Variants in C13orf46 observed in about 807,000 individuals in gnomAD.
C13orf46 encodes chromosome 13 open reading frame 46.
the C13orf46 span, among the ~76,000 whole-genome samples, chr13:113,936,839 A>G: frequency 3.0e-4 from 46 of 151,354 alleles, no homozygotes; most frequent in Non-Finnish European, 4.3e-4. Context: ...CTTGCAAAAA[A>G]CCTGAAAAGA....
chr13:113,950,404 C>A (rs914338072), downstream of C13orf46, among the ~76,000 whole-genome samples: 4 of 146,086 alleles, frequency 2.7e-5, no homozygotes, highest in Admixed American at 6.7e-5. Context: ...GTCATCACCC[C>A]CACCTTGGGG....
chr13:113,962,810 A>C, intron 6 of C13orf46, among the ~76,000 whole-genome samples: 1 of 152,322 alleles, frequency 6.6e-6, no homozygotes, highest in East Asian at 1.9e-4. Flanking sequence ...CAAATCCATC[A>C]TCAGGAAACG....
At chr13:113,964,629 C>A (rs1347365936) in intron 6 of C13orf46, among the ~76,000 whole-genome samples, 5 of 152,226 alleles carry the variant, frequency 3.3e-5, no homozygotes, top group Admixed American at 6.5e-5. Flanking sequence ...CCTCCTCTTC[C>A]CCCTTCTCAT....
the C13orf46 span, among the ~76,000 whole-genome samples, chr13:113,940,257 G>C: frequency 7.9e-5 from 12 of 152,378 alleles, no homozygotes; most frequent in East Asian, 1.9e-3. Flanking sequence ...GCCAGAGCCA[G>C]GTGGGCTCCC....
intron 2 of C13orf46, among the ~76,000 whole-genome samples, chr13:113,969,196 A>C (rs2052678958): frequency 6.6e-6 from 1 of 152,196 alleles, no homozygotes; most frequent in Non-Finnish European, 1.5e-5. Context: ...CAACCTCGTG[A>C]CCCCTTCTGT....
chr13:113,964,081 C>A (rs1325824582), intron 6 of C13orf46, among the ~76,000 whole-genome samples: 3 of 152,152 alleles, frequency 2.0e-5, no homozygotes, highest in East Asian at 3.8e-4. Context: ...GATCTCCTGA[C>A]CTCATGATCT....
chr13:113,931,405 C>T, the C13orf46 span, among the ~76,000 whole-genome samples: 1 of 152,190 alleles, frequency 6.6e-6, no homozygotes, highest in African/African-American at 2.4e-5. Context: ...TCCAAATAGT[C>T]CAGGCGAGAG....
At chr13:113,964,583 C>T (rs2052618721) in intron 6 of C13orf46, among the ~76,000 whole-genome samples, 1 of 152,232 alleles carries the variant, frequency 6.6e-6, no homozygotes, top group South Asian at 2.1e-4. Flanking sequence ...GTACCATGCA[C>T]TTATCACCTC....
At chr13:113,963,832 G>C (rs2052612415) in intron 6 of C13orf46, among the ~76,000 whole-genome samples, 3 of 152,196 alleles carry the variant, frequency 2.0e-5, no homozygotes, top group African/African-American at 7.2e-5. Context: ...GTAAATGACT[G>C]GTTAAAATGT....
At chr13:113,931,117 T>A in the C13orf46 span, among the ~76,000 whole-genome samples, 4 of 152,098 alleles carry the variant, frequency 2.6e-5, no homozygotes, top group African/African-American at 9.7e-5. Context: ...TGGCGAGCCA[T>A]CCCCACCACC....
At chr13:113,930,851 T>C in the C13orf46 span, among the ~76,000 whole-genome samples, 18 of 152,052 alleles carry the variant, frequency 1.2e-4, no homozygotes, top group Non-Finnish European at 2.2e-4. Context: ...GAGGCCCGGG[T>C]GGTCCTGGCG....
the C13orf46 span, among the ~76,000 whole-genome samples, chr13:113,948,483 C>T: frequency 2.2e-4 from 34 of 152,294 alleles, no homozygotes; most frequent in African/African-American, 7.7e-4. Flanking sequence ...GTGAGCACAC[C>T]GAAGCCCACT....
chr13:113,951,800 AC>A (rs1399113509), downstream of C13orf46, among the ~76,000 whole-genome samples: 2 of 152,192 alleles, frequency 1.3e-5, no homozygotes, highest in Non-Finnish European at 2.9e-5. Flanking sequence ...GCTGAACTCG[AC>A]TGTCTACGAC....
At chr13:113,973,597 C>T (rs761196753) in intron 1 of C13orf46, among the ~76,000 whole-genome samples, 1 of 152,178 alleles carries the variant, frequency 6.6e-6, no homozygotes, top group African/African-American at 2.4e-5. Flanking sequence ...TGATTGATGC[C>T]CCACGCCCCC....
chr13:113,963,610 T>C (rs1475353981), intron 6 of C13orf46, among the ~76,000 whole-genome samples: 1 of 114,302 alleles, frequency 8.7e-6, no homozygotes, highest in African/African-American at 3.2e-5. Context: ...TCAGCCGCAG[T>C]CCTTGTCCTC....
chr13:113,946,030 C>A, the C13orf46 span, among the ~76,000 whole-genome samples: 1 of 152,332 alleles, frequency 6.6e-6, no homozygotes, highest in African/African-American at 2.4e-5. Flanking sequence ...GGGCAGTAAA[C>A]CCACCGCTGC....
chr13:113,942,003 C>T, the C13orf46 span, among the ~76,000 whole-genome samples: 7 of 152,224 alleles, frequency 4.6e-5, no homozygotes, highest in East Asian at 1.9e-4. Context: ...AGCCCAGAGC[C>T]GGAGGCTCAC....
chr13:113,948,213 C>G, the C13orf46 span, among the ~76,000 whole-genome samples: 1 of 152,240 alleles, frequency 6.6e-6, no homozygotes, highest in African/African-American at 2.4e-5. Context: ...CCCAGAAGAG[C>G]CCACAGCACC....
the C13orf46 span, among the ~76,000 whole-genome samples, chr13:113,943,939 G>A: frequency 8.5e-5 from 13 of 152,186 alleles, no homozygotes; most frequent in Non-Finnish European, 1.8e-4. Context: ...ATCGTGGGCA[G>A]GTTTGGTCAT....
Sources: allele counts gnomAD v4.1 joint callset (sites outside exome capture counted in the v4.1 genomes callset), GRCh38; gene constraint gnomAD v4.1.1; transcripts MANE v1.5; gene names NCBI Gene and HGNC (gene_info 2026-07-23, HGNC 2026-07-21).